The following BBS9 variants were observed in gnomAD, a reference collection of about 807,000 sequenced individuals.
BBS9 encodes Bardet-Biedl syndrome 9.
Under a neutral mutation model 117.7 loss-of-function variants are expected in BBS9, and 89 were observed. The observed-to-expected ratio is 0.76, with a 90% CI of 0.64 to 0.90. The LOEUF (loss-of-function observed/expected upper bound fraction) is 0.90. Among genes scored for constraint, BBS9 ranks in the 40% least tolerant of loss-of-function variants. The pLI is 0.00. For missense variants in BBS9, 982 were observed against 1,042.2 expected (o/e 0.94, Z 0.80); for synonymous variants, 379 against 370.9 (o/e 1.02, Z -0.25).
At chr7:33,354,279 A>T (rs1296882164) in intron 15 of BBS9, among the ~76,000 whole-genome samples, 1 of 152,202 alleles carries the variant, frequency 6.6e-6, no homozygotes, top group Non-Finnish European at 1.5e-5. Flanking sequence ...ACAAGGCTTC[A>T]TATTTCAAAG....
chr7:33,451,242 T>C (rs947605622), intron 19 of BBS9, among the ~76,000 whole-genome samples: 2 of 152,182 alleles, frequency 1.3e-5, no homozygotes, highest in African/African-American at 4.8e-5. Flanking sequence ...TTGCCTGTGC[T>C]TTTGGTGTCA....
At chr7:33,429,265 G>A (rs1398463772) in intron 19 of BBS9, among the ~76,000 whole-genome samples, 5 of 148,348 alleles carry the variant, frequency 3.4e-5, no homozygotes, top group African/African-American at 9.9e-5. Flanking sequence ...CCTTTTTTGC[G>A]TAGCTTTTGC....
intron 21 of BBS9, among the ~76,000 whole-genome samples, chr7:33,569,432 C>CAT (rs983842668): frequency 2.2e-4 from 32 of 147,452 alleles, no homozygotes; most frequent in African/African-American, 6.4e-4. Flanking sequence ...AGCATACAGA[C>CAT]ATATATATAT....
chr7:33,293,978 T>A (rs1484694732), intron 9 of BBS9, among the ~76,000 whole-genome samples: 1 of 152,196 alleles, frequency 6.6e-6, no homozygotes, highest in Non-Finnish European at 1.5e-5. Context: ...ACAAGTTATA[T>A]TGTTCTAATG....
chr7:33,262,243 G>A (rs1003167037), intron 6 of BBS9, among the ~76,000 whole-genome samples: 2 of 152,036 alleles, frequency 1.3e-5, no homozygotes, highest in Non-Finnish European at 2.9e-5. Context: ...TAATAAGGCC[G>A]CTTTAGGGGC....
chr7:33,551,448 C>T (rs1304884950), intron 21 of BBS9, among the ~76,000 whole-genome samples: 4 of 152,046 alleles, frequency 2.6e-5, no homozygotes, highest in Non-Finnish European at 4.4e-5. Flanking sequence ...TAAGATAAGA[C>T]ACCAGATTGT....
chr7:33,152,964 A>T, intron 3 of BBS9, 113 bp downstream of exon 3: 6 of 1,233,820 alleles, frequency 4.9e-6, no homozygotes, highest in Non-Finnish European at 7.0e-6. Flanking sequence ...TATTTTCTGG[A>T]TATTGTCACC....
At position 33,388,094 on chromosome 7, in the gene BBS9, C is replaced by T; in HGVS notation, c.2065C>T (p.Pro689Ser). ...RLLARFKDKTPAPLQHLDTLL... is the reference protein window; with the variant it reads ...RLLARFKDKTSAPLQHLDTLL... The stretch of plus-strand genomic sequence containing the variant: ...ACTAGCAAGATTCAAAGATAAAACT[C>T]CTGCCCCTCTTCAACACCTGGACAC... Residue 689 changes from proline to serine, a missense_variant, in exon 19 of 23, where the codon CCT (proline) becomes TCT (serine). By Grantham distance (74) the Pro-to-Ser change is moderately conservative. Coordinates refer to ENST00000242067, the MANE Select transcript of BBS9 (RefSeq NM_198428.3). 6.2e-7 allele frequency: 1 copy of T among 1,614,108 alleles called. No homozygotes were observed. The highest frequency in any genetic ancestry group is 8.5e-7 in the Non-Finnish European group (1 of 1,179,990).
At chr7:33,573,804 A>T (rs1332268846) in intron 21 of BBS9, among the ~76,000 whole-genome samples, 2 of 152,122 alleles carry the variant, frequency 1.3e-5, no homozygotes, top group African/African-American at 4.8e-5. Context: ...GAAGATGCAG[A>T]TAGCCAAGGA....
chr7:33,355,978 G>A (rs932552358), intron 15 of BBS9, among the ~76,000 whole-genome samples: 5 of 151,810 alleles, frequency 3.3e-5, no homozygotes, highest in African/African-American at 1.2e-4. Context: ...AACATTCACA[G>A]CCAAATTCTG....
chr7:33,404,030 T>G (rs1312163535), intron 19 of BBS9, among the ~76,000 whole-genome samples: 1 of 152,198 alleles, frequency 6.6e-6, no homozygotes, highest in Non-Finnish European at 1.5e-5. Flanking sequence ...AGATGGTATC[T>G]CATTGTGGTT....
chr7:33,477,958 G>C (rs188387307), intron 19 of BBS9, among the ~76,000 whole-genome samples: 4 of 152,084 alleles, frequency 2.6e-5, no homozygotes, highest in Non-Finnish European at 5.9e-5. Context: ...GAAGTGAAAG[G>C]TTTTCAGAGA....
intron 19 of BBS9, among the ~76,000 whole-genome samples, chr7:33,484,805 A>G (rs1243600353): frequency 3.3e-5 from 5 of 152,248 alleles, no homozygotes; most frequent in Non-Finnish European, 5.9e-5. Flanking sequence ...ATATACCCAA[A>G]GGAATATAAC....
At chr7:33,487,239 A>G (rs1477989646) in intron 19 of BBS9, among the ~76,000 whole-genome samples, 1 of 152,122 alleles carries the variant, frequency 6.6e-6, no homozygotes, top group Non-Finnish European at 1.5e-5. Context: ...TTTAAACTGT[A>G]ATTTGTTCCA....
chr7:33,551,601 A>C (rs2129092255), intron 21 of BBS9, among the ~76,000 whole-genome samples: 1 of 152,266 alleles, frequency 6.6e-6, no homozygotes, highest in South Asian at 2.1e-4. Flanking sequence ...TTGAGTGCTT[A>C]CTATGTTTCA....
intron 7 of BBS9, among the ~76,000 whole-genome samples, chr7:33,269,712 T>G (rs1320165188): frequency 6.8e-5 from 9 of 132,624 alleles, no homozygotes; most frequent in South Asian, 2.4e-4. Flanking sequence ...GGCAACAGAG[T>G]GAGACTCCAA....
intron 4 of BBS9, among the ~76,000 whole-genome samples, chr7:33,171,318 A>C (rs1366753498): frequency 1.3e-5 from 2 of 152,032 alleles, no homozygotes; most frequent in Non-Finnish European, 2.9e-5. Flanking sequence ...CAACTATCTG[A>C]TCTTTGACAA....
At chr7:33,453,880 A>T (rs1838258294) in intron 19 of BBS9, among the ~76,000 whole-genome samples, 1 of 152,176 alleles carries the variant, frequency 6.6e-6, no homozygotes, top group Non-Finnish European at 1.5e-5. Context: ...CATATATTAA[A>T]TATGTGTTAA....
chr7:33,565,829 C>CTATATA (rs1856826931), intron 21 of BBS9, among the ~76,000 whole-genome samples: 1 of 23,504 alleles, frequency 4.3e-5, no homozygotes, highest in Non-Finnish European at 7.2e-5. Context: ...ATATATATAC[C>CTATATA]GCTATATATA....
Sources: allele counts gnomAD v4.1 joint callset (sites outside exome capture counted in the v4.1 genomes callset), GRCh38; gene constraint gnomAD v4.1.1; transcripts MANE v1.5; gene names NCBI Gene and HGNC (gene_info 2026-07-23, HGNC 2026-07-21).